EEF2KMT: variants seen among roughly 807,000 people sequenced by gnomAD.
The protein encoded by EEF2KMT is protein-lysine N-methyltransferase EEF2KMT.
A neutral mutation model predicts 35.1 loss-of-function variants in EEF2KMT; 30 were observed. The ratio of observed to expected loss-of-function variants is 0.85; its 90% CI spans 0.64 to 1.16. EEF2KMT has a LOEUF of 1.16. Among genes scored for constraint, EEF2KMT ranks in the 50% most tolerant of loss-of-function variants. The pLI, the probability that EEF2KMT is intolerant of heterozygous loss-of-function variation, is 0.00. For missense variants in EEF2KMT, 499 were observed against 438.2 expected (o/e 1.14, Z -1.24); for synonymous variants, 190 against 187.7 (o/e 1.01, Z -0.10).
chr16:5,090,549 A>G lies in EEF2KMT; in HGVS notation c.359T>C (p.Val120Ala). ...RSYLLPSGGS[V>A]TLSESTAIIS... is the part of the protein sequence containing the mutation. Reference sequence around the variant, plus strand: ...GATGGCCGTGCTCTCGGAGAGTGTGACCGAGCCTCCCGAGGGCTGCACCAA... The same window carrying G: ...GATGGCCGTGCTCTCGGAGAGTGTGGCCGAGCCTCCCGAGGGCTGCACCAA... The change falls in exon 5 of 8, where the codon GTC becomes GCC. Residue 120 changes from valine (V) to alanine (A), a missense_variant. Coordinates refer to ENST00000427587, the MANE Select transcript of EEF2KMT (RefSeq NM_201400.4). This position sits in a 1 kb window ranked among gnomAD's most constrained non-coding sequence, Gnocchi z 4.1. The G allele has an allele frequency of 6.2e-7, 1 of 1,611,962 alleles. No individual in the cohort carries two copies. The highest frequency in any genetic ancestry group is 2.2e-5 in the East Asian group (1 of 44,874).
chr16:5,092,605 C>A (rs974147539), intron 3 of EEF2KMT, among the ~76,000 whole-genome samples: 3 of 152,230 alleles, frequency 2.0e-5, no homozygotes, highest in Non-Finnish European at 4.4e-5. Context: ...AGGTCTGCTA[C>A]TGCCTACTGA....
At position 5,090,382 on chromosome 16, in the gene EEF2KMT, T is replaced by A; in HGVS notation, c.477-33A>T. 4 of 1,612,028 alleles carry A rather than the reference T, an allele frequency of 2.5e-6. No individual in the cohort carries two copies. The highest frequency in any genetic ancestry group is 2.5e-6 in the Non-Finnish European group (3 of 1,179,850). ...GAGGAAAGGGGACCGTGTCTGCGAC[T>A]GCACCAGGGTAAGCCTGCCTCGGTG... On this transcript the variant is annotated intron_variant, in intron 5 of 7. Transcript: ENST00000427587. The surrounding 1 kb of genome is among the most constrained non-coding windows in gnomAD (Gnocchi z 4.1).
chr16:5,093,641 A>G (rs954865233), intron 2 of EEF2KMT, 77 bp from the exon 3 acceptor site: 1 of 1,603,912 alleles, frequency 6.2e-7, no homozygotes, highest in Non-Finnish European at 8.5e-7. Context: ...AACACAGCAG[A>G]GGGCAAACTC....
At chr16:5,093,667 C>T in intron 2 of EEF2KMT, 103 bp from the exon 3 acceptor site, 1 of 1,567,782 alleles carries the variant, frequency 6.4e-7, no homozygotes, top group South Asian at 1.2e-5. Flanking sequence ...TACCCGATCC[C>T]TCAGCAAAGA....
At chr16:5,087,491 T>A (rs1957220552) in intron 7 of EEF2KMT, 1 of 152,214 alleles carries the variant, frequency 6.6e-6, no homozygotes, top group African/African-American at 2.4e-5. Flanking sequence ...TGTGGGTGAT[T>A]ATTATTAGTT....
chr16:5,092,181 G>A (rs1957353410), intron 3 of EEF2KMT, among the ~76,000 whole-genome samples: 1 of 152,130 alleles, frequency 6.6e-6, no homozygotes, highest in Non-Finnish European at 1.5e-5. Context: ...GGGAAACCTG[G>A]ATGGGAGGGC....
chr16:5,088,694 C>T (rs1186182007), intron 7 of EEF2KMT, among the ~76,000 whole-genome samples: 2 of 152,144 alleles, frequency 1.3e-5, no homozygotes, highest in Admixed American at 1.3e-4. Context: ...TGCTCGTCTT[C>T]CACCGACTGG....
intron 1 of EEF2KMT, among the ~76,000 whole-genome samples, chr16:5,096,432 G>A (rs1312168875): frequency 6.6e-6 from 1 of 152,164 alleles, no homozygotes; most frequent in Non-Finnish European, 1.5e-5. Context: ...CTCACAGAAG[G>A]CATTTATTAA....
intron 2 of EEF2KMT, 137 bp downstream of exon 2, chr16:5,095,315 A>C (rs990214989): frequency 6.0e-6 from 8 of 1,332,994 alleles, no homozygotes; most frequent in Non-Finnish European, 8.5e-6. Context: ...ACCCACCTGC[A>C]GTGCTGACTC....
At chr16:5,094,891 T>A (rs1317063018) in intron 2 of EEF2KMT, among the ~76,000 whole-genome samples, 6 of 152,190 alleles carry the variant, frequency 3.9e-5, no homozygotes, top group Non-Finnish European at 7.3e-5. Flanking sequence ...TTGCTTGGTC[T>A]TTTCAGAAGG....
chr16:5,092,900 C>A (rs1957371253), intron 3 of EEF2KMT, among the ~76,000 whole-genome samples: 1 of 151,882 alleles, frequency 6.6e-6, no homozygotes, highest in African/African-American at 2.4e-5. Context: ...GCAGAGGTTT[C>A]AGGGAGCCGA....
At chr16:5,093,707 G>T (rs1957394321) in intron 2 of EEF2KMT, 143 bp from the exon 3 acceptor site, 3 of 1,492,988 alleles carry the variant, frequency 2.0e-6, no homozygotes, top group Non-Finnish European at 2.7e-6. Context: ...TTGGCCCCAT[G>T]CATCTGAAGT....
rs890024455 is a variant in EEF2KMT, at chr16:5,091,317, G to A, written c.342+477C>T. On this transcript the variant is annotated intron_variant, in intron 4 of 7. Transcript: ENST00000427587. ...GGCTGGTCTCAAACTCCTGACCTCAGGTGATCCCCCCGCCTCAGCCTCCCA... is the reference window on the plus strand; with the variant it reads ...GGCTGGTCTCAAACTCCTGACCTCAAGTGATCCCCCCGCCTCAGCCTCCCA... Among the ~76,000 whole-genome samples the A allele has an allele frequency of 3.3e-5, 5 of 152,232 alleles. No individual in the cohort carries two copies. In the East Asian group the frequency reaches 9.7e-4, roughly 29 times the overall value.
chr16:5,091,985 T>C, intron 3 of EEF2KMT, 90 bp from the exon 4 acceptor site: 1 of 1,576,990 alleles, frequency 6.3e-7, no homozygotes. Flanking sequence ...AGGGGAGATT[T>C]GCGATGGAAT....
rs1957276405 is a variant in EEF2KMT, at chr16:5,088,943, GCC to G, written c.892+162_892+163del. Among the ~76,000 whole-genome samples the G allele has an allele frequency of 4.6e-5, 7 of 152,166 alleles. No individual in the cohort carries two copies. The East Asian group carries it at 5.8e-4, about 13-fold the overall frequency. ...CCTCCTCCTGCCGCAAGCCCCCCAC[GCC>G]CCAAGCCCACCCTGCTCACTGGCCT... On this transcript the variant is annotated intron_variant, in intron 7 of 7. Coordinates refer to ENST00000427587, the MANE Select transcript of EEF2KMT (RefSeq NM_201400.4).
In EEF2KMT at chr16:5,090,513, C is replaced by A. The variant is rs1252734353; in HGVS notation, c.395G>T (p.Gly132Val). 6.2e-7 allele frequency: 1 copy of A among 1,611,986 alleles called. No homozygotes were observed. Among genetic ancestry groups the A allele is most frequent in the Non-Finnish European group, 8.5e-7 (1 of 1,179,856 alleles). The change falls in exon 5 of 8, where the codon GGT becomes GTT. Residue 132 changes from glycine (G) to valine (V), a missense_variant. Physicochemically the swap from Gly to Val is moderately radical, Grantham distance 109. Coordinates refer to ENST00000427587, the MANE Select transcript of EEF2KMT (RefSeq NM_201400.4). This position sits in a 1 kb window ranked among gnomAD's most constrained non-coding sequence, Gnocchi z 4.1. Reference sequence around the variant, plus strand: ...GTCCCATGTGACCAGGCCTGTGGTACCGTAGGAGATGATGGCCGTGCTCTC... The same window carrying A: ...GTCCCATGTGACCAGGCCTGTGGTAACGTAGGAGATGATGGCCGTGCTCTC... ...LSESTAIISY[G>V]TTGLVTWDAA...
intron 7 of EEF2KMT, chr16:5,086,531 C>T (rs561648557): frequency 6.6e-6 from 1 of 150,898 alleles, no homozygotes; most frequent in Non-Finnish European, 1.5e-5. Context: ...TCACTACAGC[C>T]TCGACTCCTG....
rs1308054687 is a variant in EEF2KMT at position 5,084,357 on chromosome 16, T to G, written c.*1275A>C. On this transcript the variant is annotated 3_prime_UTR_variant, in exon 8 of 8. Transcript: ENST00000427587. ...CACAGGCTGTGGGCTGGATTTGGCC[T>G]GCAGGCTGTAGTTTGTGATCCTTGA... 1.3e-5 allele frequency: 5 copies of G among 395,620 alleles called. No individual in the cohort carries two copies. Among genetic ancestry groups the G allele is most frequent in the Non-Finnish European group, 1.9e-5 (4 of 209,024 alleles). The allele number at this position is 395,620 out of a possible 1,614,324, so 24.5% of individuals were successfully genotyped here.
intron 7 of EEF2KMT, chr16:5,087,042 G>A (rs1244809560): frequency 6.6e-6 from 1 of 152,148 alleles, no homozygotes; most frequent in Non-Finnish European, 1.5e-5. Context: ...GAATGAAGTA[G>A]TACAGACATG....
Sources: gnomAD v4.1 joint callset for allele counts (sites outside exome capture counted in the v4.1 genomes callset) on GRCh38, gnomAD v4.1.1 for gene constraint, Gnocchi (gnomAD v3.1) non-coding constraint, MANE v1.5 for transcripts, NCBI Gene and HGNC (gene_info 2026-07-23, HGNC 2026-07-21) for gene names.